Variants in GPC5 observed in about 807,000 individuals in gnomAD.
GPC5 encodes glypican 5, also known as glypican-5.
In GPC5, 47 loss-of-function variants were observed where a neutral mutation model predicts 53.9. The ratio of observed to expected loss-of-function variants is 0.87; its 90% CI spans 0.69 to 1.11. GPC5 has a LOEUF of 1.11. GPC5 is among the 50% of genes most tolerant of loss of function. The probability of loss-of-function intolerance (pLI) is 0.00; values close to 1 mark genes in which losing one functional copy is unlikely to be tolerated. For missense variants in GPC5, 748 were observed against 713.1 expected, an observed-to-expected ratio of 1.05 and a Z score of -0.56; for synonymous variants, 286 against 263.3, an observed-to-expected ratio of 1.09 and a Z score of -0.84.
At chr13:92,520,333 G>A (rs1489419833) in intron 7 of GPC5, among the ~76,000 whole-genome samples, 1 of 152,076 alleles carries the variant, frequency 6.6e-6, no homozygotes, top group Admixed American at 6.5e-5. Context: ...CAAAAAAAGA[G>A]AATTTTAGAC....
chr13:92,692,968 G>T (rs1260869750), intron 7 of GPC5, among the ~76,000 whole-genome samples: 2 of 151,538 alleles, frequency 1.3e-5, no homozygotes. Context: ...TCATGGGGGT[G>T]GTTTCCCTCA....
In GPC5 at chr13:92,565,878, T is replaced by C. The variant is rs1385259987; in HGVS notation, c.1562-300404T>C. ...TTTTTTAAAGCAAAATGAGTCCACA[T>C]TTTTACCCTTCTATTTAGAATGTGT... On this transcript the variant is annotated intron_variant, in intron 7 of 7. Coordinates refer to ENST00000377067, the MANE Select transcript of GPC5 (RefSeq NM_004466.6). Among the ~76,000 whole-genome samples, 6 of 152,144 alleles carry C rather than the reference T, an allele frequency of 3.9e-5. No homozygotes were observed. The South Asian group carries it at 1.2e-3, about 32-fold the overall frequency.
rs138298104 is a variant in GPC5, at chr13:92,423,045, A to C, written c.1561+278056A>C. The stretch of plus-strand genomic sequence containing the variant: ...AAGCCCAAGATCAAGGTGCCAGTAC[A>C]TTGAGTGTAGAGTGAGGTCCCGCTT... On this transcript the variant is annotated intron_variant, in intron 7 of 7. Transcript: ENST00000377067. Among the ~76,000 whole-genome samples the C allele has an allele frequency of 2.8e-3, 428 of 152,334 alleles. 2 individuals are homozygous for C. The highest frequency in any genetic ancestry group is 9.7e-3 in the African/African-American group (403 of 41,572).
At chr13:91,838,178 G>A (rs151299615) in intron 5 of GPC5, among the ~76,000 whole-genome samples, 2 of 152,092 alleles carry the variant, frequency 1.3e-5, no homozygotes, top group Admixed American at 6.6e-5. Flanking sequence ...GAAAGTTTGG[G>A]TATTAATTGC....
chr13:92,494,656 A>T (rs923396131), intron 7 of GPC5, among the ~76,000 whole-genome samples: 6 of 152,142 alleles, frequency 3.9e-5, no homozygotes, highest in African/African-American at 1.4e-4. Context: ...TATATATTGC[A>T]TTAGTTTATT....
intron 6 of GPC5, among the ~76,000 whole-genome samples, chr13:92,074,450 T>C (rs1291588398): frequency 3.3e-5 from 5 of 152,146 alleles, no homozygotes; most frequent in Non-Finnish European, 7.3e-5. Context: ...ACAGCATGTA[T>C]CTAGAAAACC....
chr13:91,970,441 A>C lies in GPC5; in HGVS notation c.1401+62384A>C, dbSNP rs1026082117. Among the ~76,000 whole-genome samples, 185 of 149,636 alleles carry C rather than the reference A, an allele frequency of 1.2e-3. 3 individuals carry two copies. The highest frequency in any genetic ancestry group is 4.4e-3 in the African/African-American group (173 of 39,068). On this transcript the variant is annotated intron_variant, in intron 6 of 7. Coordinates refer to ENST00000377067, the MANE Select transcript of GPC5 (RefSeq NM_004466.6). ...GCTAGGAGTAGATTGCCCCCCCCTCACACATACACACATACATACACACAA... is the reference window on the plus strand; with the variant it reads ...GCTAGGAGTAGATTGCCCCCCCCTCCCACATACACACATACATACACACAA...
chr13:91,433,032 C>A (rs12863915), intron 1 of GPC5, among the ~76,000 whole-genome samples: 78,717 of 151,956 alleles, frequency 0.52, 20,695 homozygotes, highest in East Asian at 0.71. Flanking sequence ...GGAAAGAAGA[C>A]AAAGGTGGTT....
chr13:92,236,202 G>A (rs1305762424), intron 7 of GPC5, among the ~76,000 whole-genome samples: 2 of 151,960 alleles, frequency 1.3e-5, no homozygotes, highest in Non-Finnish European at 2.9e-5. Flanking sequence ...CTGCATGTCT[G>A]TGTACTATTG....
chr13:92,813,059 C>T (rs746956960), intron 7 of GPC5, among the ~76,000 whole-genome samples: 15 of 151,768 alleles, frequency 9.9e-5, no homozygotes, highest in South Asian at 6.2e-4. Flanking sequence ...TTTTAAATAC[C>T]GGCCTTTCGA....
chr13:91,547,468 A>G (rs930699442), intron 2 of GPC5, among the ~76,000 whole-genome samples: 3 of 152,126 alleles, frequency 2.0e-5, no homozygotes, highest in Non-Finnish European at 4.4e-5. Flanking sequence ...GACAACCTGA[A>G]TATGCCTATA....
At chr13:91,588,937 C>T (rs954019326) in intron 2 of GPC5, among the ~76,000 whole-genome samples, 11 of 152,068 alleles carry the variant, frequency 7.2e-5, no homozygotes. Context: ...TGGATTTTAC[C>T]AACTTTCCCT....
At chr13:91,454,855 G>C (rs1400518025) in intron 2 of GPC5, among the ~76,000 whole-genome samples, 1 of 151,972 alleles carries the variant, frequency 6.6e-6, no homozygotes, top group Admixed American at 6.6e-5. Flanking sequence ...AAACTCTGTT[G>C]CTCAAATAAT....
chr13:92,590,859 T>A lies in GPC5; in HGVS notation c.1562-275423T>A, dbSNP rs1346020213. 2.0e-5 allele frequency among the ~76,000 whole-genome samples: 3 copies of A among 152,342 alleles called. No homozygotes were observed. In the South Asian group the frequency reaches 6.2e-4, roughly 32 times the overall value. On this transcript the variant is annotated intron_variant, in intron 7 of 7. Transcript: ENST00000377067. The stretch of plus-strand genomic sequence containing the variant: ...ATAGTTCTCCCTATCCAGATAGCTA[T>A]GAGCTTATGGTTCAGTAGGTTTTCT...
chr13:92,139,928 A>C (rs144873956), intron 6 of GPC5, among the ~76,000 whole-genome samples: 12 of 152,306 alleles, frequency 7.9e-5, no homozygotes, highest in South Asian at 4.1e-4. Flanking sequence ...CAATGTGGTA[A>C]GTACTCTAGT....
chr13:91,693,817 T>TTC lies in GPC5; in HGVS notation c.957_958dup (p.His320LeufsTer23). On this transcript the variant is annotated frameshift_variant, in exon 3 of 8. Transcript: ENST00000377067. LOFTEE classifies it high-confidence loss of function. The stretch of plus-strand genomic sequence containing the variant: ...GACATTGGACACGTGCTGCTGAACT[T>TTC]TCACTTGCTTGTTAATGATGCTGTG... 1 of 1,613,058 alleles carries TTC rather than the reference T, an allele frequency of 6.2e-7. No individual in the cohort carries two copies. Among genetic ancestry groups the TTC allele is most frequent in the Non-Finnish European group, 8.5e-7 (1 of 1,179,940 alleles).
chr13:92,463,531 T>TTTC (rs1878575951), intron 7 of GPC5, among the ~76,000 whole-genome samples: 1 of 152,222 alleles, frequency 6.6e-6, no homozygotes, highest in Non-Finnish European at 1.5e-5. Flanking sequence ...TTGCATGGAA[T>TTTC]TTTATTTCTT....
intron 6 of GPC5, among the ~76,000 whole-genome samples, chr13:92,113,211 G>A (rs1301094230): frequency 6.6e-6 from 1 of 151,962 alleles, no homozygotes; most frequent in East Asian, 1.9e-4. Flanking sequence ...TTTAAATAAT[G>A]ATATTTAATT....
chr13:92,586,127 A>C (rs1028837697), intron 7 of GPC5, among the ~76,000 whole-genome samples: 2 of 152,208 alleles, frequency 1.3e-5, no homozygotes, highest in African/African-American at 4.8e-5. Flanking sequence ...GTGACGGATT[A>C]GTCGTGTCTG....
Sources: allele counts gnomAD v4.1 joint callset (sites outside exome capture counted in the v4.1 genomes callset), GRCh38; gene constraint gnomAD v4.1.1; transcripts MANE v1.5; gene names NCBI Gene and HGNC (gene_info 2026-07-23, HGNC 2026-07-21).